The following BRINP3 variants were observed in gnomAD, a reference collection of about 807,000 sequenced individuals.
BRINP3 encodes BMP/retinoic acid inducible neural specific 3.
BRINP3 carries 19 observed loss-of-function variants against 71.0 expected under a neutral mutation model. The observed-to-expected ratio is 0.27, with a 90% CI of 0.19 to 0.39. The LOEUF (loss-of-function observed/expected upper bound fraction) is 0.39, where lower values mean the gene tolerates loss of function less well. BRINP3 is among the 10% of genes least tolerant of loss of function. BRINP3 has a pLI of 1.00. For synonymous variants in BRINP3, 380 were observed against 337.7 expected (o/e 1.13, Z -1.37); for missense variants, 959 against 940.8 (o/e 1.02, Z -0.25).
At chr1:190,162,261 G>A (rs1364223469) in intron 6 of BRINP3, among the ~76,000 whole-genome samples, 4 of 151,386 alleles carry the variant, frequency 2.6e-5, no homozygotes, top group Admixed American at 2.6e-4. Context: ...TGCCATCTCG[G>A]TTCACTGCAA....
chr1:190,133,751 A>G (rs1654740777), intron 7 of BRINP3, among the ~76,000 whole-genome samples: 1 of 152,128 alleles, frequency 6.6e-6, no homozygotes, highest in South Asian at 2.1e-4. Flanking sequence ...TTAAGGACAT[A>G]TATCAAGCCC....
At chr1:190,401,230 C>T (rs548064052) in intron 2 of BRINP3, among the ~76,000 whole-genome samples, 33 of 151,780 alleles carry the variant, frequency 2.2e-4, no homozygotes, top group Non-Finnish European at 4.4e-4. Flanking sequence ...TCGTGTTGGG[C>T]GCCTGTAATC....
rs571582987 is a variant in BRINP3 at position 190,285,305 on chromosome 1, G to A, written c.237-3555C>T. ...ATTACTGATGACATTTTAAGTCACC[G>A]TGGCCATGTGGCTTACTTTGACAGA... is the stretch of plus-strand genomic sequence containing the variant. On this transcript the variant is annotated intron_variant, in intron 2 of 7. Coordinates refer to ENST00000367462, the MANE Select transcript of BRINP3 (RefSeq NM_199051.3). Among the ~76,000 whole-genome samples the A allele has an allele frequency of 9.9e-5, 15 of 152,188 alleles. No homozygotes were observed. In the South Asian group the frequency reaches 1.5e-3, roughly 15 times the overall value.
chr1:190,406,650 A>AT (rs1339812466), intron 2 of BRINP3, among the ~76,000 whole-genome samples: 3 of 152,236 alleles, frequency 2.0e-5, no homozygotes, highest in African/African-American at 7.2e-5. Flanking sequence ...CAGTTTTATC[A>AT]TTGTGGACAA....
At chr1:190,250,464 T>C (rs769209190) in intron 4 of BRINP3, among the ~76,000 whole-genome samples, 35 of 152,028 alleles carry the variant, frequency 2.3e-4, no homozygotes, top group Admixed American at 2.6e-4. Flanking sequence ...CTTGCTGTAG[T>C]ACTTTTGGGT....
At chr1:190,337,438 G>T (rs911051920) in intron 2 of BRINP3, among the ~76,000 whole-genome samples, 3 of 152,022 alleles carry the variant, frequency 2.0e-5, no homozygotes, top group African/African-American at 7.2e-5. Context: ...CCCTCAATTT[G>T]GGTGGGCACC....
chr1:190,347,358 T>G (rs1558203517), intron 2 of BRINP3, among the ~76,000 whole-genome samples: 1 of 152,104 alleles, frequency 6.6e-6, no homozygotes, highest in Non-Finnish European at 1.5e-5. Flanking sequence ...GCCAGGATGG[T>G]CTCAATCTCC....
At position 190,386,011 on chromosome 1, in the gene BRINP3, T is replaced by C. The variant is rs549429021; in HGVS notation, c.236+68644A>G. Among the ~76,000 whole-genome samples the C allele has an allele frequency of 4.7e-3, 673 of 143,576 alleles. 7 individuals carry two copies. The highest frequency in any genetic ancestry group is 0.016 in the African/African-American group (623 of 38,600). 94.2% of individuals were successfully genotyped at this position (143,576 alleles called of 152,430 possible). A position where few individuals can be genotyped will look rare whatever the true frequency, so the allele number is the denominator to read the frequency against. On this transcript the variant is annotated intron_variant, in intron 2 of 7. Coordinates refer to ENST00000367462, the MANE Select transcript of BRINP3 (RefSeq NM_199051.3). ...AAACCAAACACCGCATATTCTCACT[T>C]ATAGGTGGGAATTGAACAATGAGAT...
chr1:190,387,203 A>G lies in BRINP3; in HGVS notation c.236+67452T>C, dbSNP rs553819501. ...AAATTTTAAAGGCTAAATCAGCTGAAGCCAAATTATGACATTTAATAAGGA... is the reference window on the plus strand; with the variant it reads ...AAATTTTAAAGGCTAAATCAGCTGAGGCCAAATTATGACATTTAATAAGGA... On this transcript the variant is annotated intron_variant, in intron 2 of 7. Coordinates refer to ENST00000367462, the MANE Select transcript of BRINP3 (RefSeq NM_199051.3). Among the ~76,000 whole-genome samples, 6 of 152,022 alleles carry G rather than the reference A, an allele frequency of 3.9e-5. No homozygotes were observed. The South Asian group carries it at 1.2e-3, about 31-fold the overall frequency.
At chr1:190,267,432 G>A (rs1385783048) in intron 3 of BRINP3, among the ~76,000 whole-genome samples, 1 of 151,792 alleles carries the variant, frequency 6.6e-6, no homozygotes, top group Non-Finnish European at 1.5e-5. Flanking sequence ...AATTTTAAAG[G>A]AAAATGTTAT....
chr1:190,410,412 T>C (rs1000665424), intron 2 of BRINP3, among the ~76,000 whole-genome samples: 5 of 152,072 alleles, frequency 3.3e-5, no homozygotes, highest in African/African-American at 9.7e-5. Context: ...TGTAAATATA[T>C]AAAATAAAGG....
At chr1:190,331,119 C>T (rs948985013) in intron 2 of BRINP3, among the ~76,000 whole-genome samples, 2 of 151,974 alleles carry the variant, frequency 1.3e-5, no homozygotes, top group African/African-American at 4.8e-5. Flanking sequence ...TTTAAAAACT[C>T]TATATCCATT....
intron 2 of BRINP3, among the ~76,000 whole-genome samples, chr1:190,448,550 G>GT (rs1675390459): frequency 1.3e-5 from 2 of 150,170 alleles, no homozygotes; most frequent in Admixed American, 1.3e-4. Context: ...TGACAGTTAT[G>GT]TTTTTTTAAT....
intron 3 of BRINP3, among the ~76,000 whole-genome samples, chr1:190,265,761 C>G (rs1335203216): frequency 2.6e-5 from 4 of 151,824 alleles, no homozygotes; most frequent in Non-Finnish European, 5.9e-5. Context: ...TGCATTTACT[C>G]AGAAATTTTT....
intron 7 of BRINP3, among the ~76,000 whole-genome samples, chr1:190,100,321 T>C (rs2102240120): frequency 6.6e-6 from 1 of 152,320 alleles, no homozygotes; most frequent in Non-Finnish European, 1.5e-5. Context: ...CTTACTGTTT[T>C]TCATAGTGCA....
chr1:190,361,455 T>G (rs1476361478), intron 2 of BRINP3, among the ~76,000 whole-genome samples: 1 of 152,106 alleles, frequency 6.6e-6, no homozygotes, highest in Non-Finnish European at 1.5e-5. Context: ...CAGGCTGGAG[T>G]GCAGTGGCAC....
intron 6 of BRINP3, among the ~76,000 whole-genome samples, chr1:190,162,309 G>A (rs962202176): frequency 7.9e-5 from 12 of 151,204 alleles, no homozygotes; most frequent in African/African-American, 1.7e-4. Context: ...TCAGCCTCCC[G>A]AGTAGCTGTG....
intron 2 of BRINP3, among the ~76,000 whole-genome samples, chr1:190,307,303 C>G (rs1200551145): frequency 9.1e-6 from 1 of 109,564 alleles, no homozygotes; most frequent in Non-Finnish European, 1.7e-5. Context: ...GAGTCTCGCT[C>G]TGCCACCCAG....
At chr1:190,214,665 A>C (rs1017825815) in intron 6 of BRINP3, among the ~76,000 whole-genome samples, 7 of 151,988 alleles carry the variant, frequency 4.6e-5, no homozygotes, top group African/African-American at 1.7e-4. Flanking sequence ...TCCTTCTGCC[A>C]TCGTGATCAC....
Sources: allele counts gnomAD v4.1 joint callset (sites outside exome capture counted in the v4.1 genomes callset), GRCh38; gene constraint gnomAD v4.1.1; transcripts MANE v1.5; gene names NCBI Gene and HGNC (gene_info 2026-07-23, HGNC 2026-07-21).